The following MIPOL1 variants were observed in gnomAD, a reference collection of about 807,000 sequenced individuals.
MIPOL1 encodes mirror-image polydactyly 1, also known as mirror-image polydactyly gene 1 protein.
A neutral mutation model predicts 60.9 loss-of-function variants in MIPOL1; 57 were observed. The observed-to-expected ratio is 0.94, with a 90% CI of 0.76 to 1.17. MIPOL1 has a LOEUF of 1.17. Ranked by LOEUF, MIPOL1 falls within the 50% of genes most tolerant of loss-of-function variation. The pLI, the probability that MIPOL1 is intolerant of heterozygous loss-of-function variation, is 0.00. For synonymous variants in MIPOL1, 179 were observed against 168.8 expected (o/e 1.06, Z -0.47); for missense variants, 551 against 511.6 (o/e 1.08, Z -0.74).
At chr14:37,347,109 A>G (rs1358952158) in intron 9 of MIPOL1, among the ~76,000 whole-genome samples, 1 of 152,200 alleles carries the variant, frequency 6.6e-6, no homozygotes. Context: ...CGAAAAAGGA[A>G]TGTCTACTAA....
At chr14:37,310,266 A>G (rs1022649305) in intron 9 of MIPOL1, among the ~76,000 whole-genome samples, 1 of 152,162 alleles carries the variant, frequency 6.6e-6, no homozygotes, top group Non-Finnish European at 1.5e-5. Flanking sequence ...GACTGTACTT[A>G]CCTTAAATCC....
chr14:37,309,705 T>A (rs992771604), intron 9 of MIPOL1, among the ~76,000 whole-genome samples: 1 of 151,376 alleles, frequency 6.6e-6, no homozygotes, highest in Non-Finnish European at 1.5e-5. Context: ...TTTTTTTTTT[T>A]AGACAGAGTC....
At chr14:37,419,642 A>C (rs2093835195) in intron 10 of MIPOL1, among the ~76,000 whole-genome samples, 1 of 152,212 alleles carries the variant, frequency 6.6e-6, no homozygotes, top group African/African-American at 2.4e-5. Context: ...ATATACTTGT[A>C]AATAATGAAC....
chr14:37,347,923 A>G (rs1268279339), intron 9 of MIPOL1, among the ~76,000 whole-genome samples: 2 of 152,038 alleles, frequency 1.3e-5, no homozygotes, highest in East Asian at 3.9e-4. Flanking sequence ...TTTTTCTTTT[A>G]TTTTAGATTC....
intron 1 of MIPOL1, among the ~76,000 whole-genome samples, chr14:37,223,986 T>C (rs549309555): frequency 2.0e-5 from 3 of 152,328 alleles, no homozygotes; most frequent in Non-Finnish European, 4.4e-5. Flanking sequence ...TTTGGAGATT[T>C]TACTAGGTTG....
At chr14:37,331,382 C>A (rs1356933144) in intron 9 of MIPOL1, among the ~76,000 whole-genome samples, 1 of 151,982 alleles carries the variant, frequency 6.6e-6, no homozygotes, top group Non-Finnish European at 1.5e-5. Flanking sequence ...TTCATTCAAT[C>A]CATGAACATG....
intron 11 of MIPOL1, among the ~76,000 whole-genome samples, chr14:37,462,265 A>T (rs2094548460): frequency 6.6e-6 from 1 of 152,194 alleles, no homozygotes; most frequent in African/African-American, 2.4e-5. Flanking sequence ...TGAGCTCTAC[A>T]TTGGCCCCTT....
At chr14:37,377,527 T>G (rs2092808947) in intron 10 of MIPOL1, among the ~76,000 whole-genome samples, 1 of 152,084 alleles carries the variant, frequency 6.6e-6, no homozygotes, top group African/African-American at 2.4e-5. Context: ...CAAGATAAAA[T>G]AGCCCTATAT....
chr14:37,276,224 T>A (rs556879441), intron 6 of MIPOL1: 6 of 151,196 alleles, frequency 4.0e-5, no homozygotes, highest in African/African-American at 1.2e-4. Flanking sequence ...TCTTTAAACA[T>A]AGATTTCTTT....
chr14:37,239,639 T>A (rs80074494), intron 1 of MIPOL1, among the ~76,000 whole-genome samples: 6,211 of 152,260 alleles, frequency 0.041, 287 homozygotes, highest in African/African-American at 0.11. Context: ...TAGTTCAGCT[T>A]GTTTTATTTT....
intron 11 of MIPOL1, among the ~76,000 whole-genome samples, chr14:37,476,468 A>C (rs76306171): frequency 6.6e-6 from 1 of 152,206 alleles, no homozygotes; most frequent in East Asian, 1.9e-4. Flanking sequence ...TTCTAGTGCG[A>C]TGTTGAATAG....
intron 11 of MIPOL1, among the ~76,000 whole-genome samples, chr14:37,471,050 T>C (rs1413611068): frequency 6.6e-6 from 1 of 152,188 alleles, no homozygotes; most frequent in African/African-American, 2.4e-5. Flanking sequence ...CACTACACAA[T>C]GTATCCATGT....
At chr14:37,266,012 G>A (rs1478717747) in intron 3 of MIPOL1, among the ~76,000 whole-genome samples, 2 of 152,096 alleles carry the variant, frequency 1.3e-5, no homozygotes, top group East Asian at 3.9e-4. Context: ...TAGAATGGAA[G>A]TCTGGAGTGT....
chr14:37,328,400 T>C (rs946443598), intron 9 of MIPOL1, among the ~76,000 whole-genome samples: 3 of 152,098 alleles, frequency 2.0e-5, no homozygotes, highest in Admixed American at 2.0e-4. Flanking sequence ...ATCATCCAAA[T>C]CAGTCAAACT....
intron 1 of MIPOL1, among the ~76,000 whole-genome samples, chr14:37,240,753 CA>C (rs1192476305): frequency 6.6e-6 from 1 of 152,036 alleles, no homozygotes; most frequent in Non-Finnish European, 1.5e-5. Context: ...TATTCATTCT[CA>C]AAGTGTCATT....
chr14:37,354,323 C>T (rs969973985), intron 9 of MIPOL1, among the ~76,000 whole-genome samples: 10 of 128,056 alleles, frequency 7.8e-5, no homozygotes, highest in African/African-American at 3.0e-4. Context: ...AGCTTTACTT[C>T]CAAGTATGCG....
chr14:37,425,093 T>C (rs921265730), intron 11 of MIPOL1, among the ~76,000 whole-genome samples: 1 of 152,194 alleles, frequency 6.6e-6, no homozygotes, highest in Admixed American at 6.5e-5. Flanking sequence ...GCCCTGACCA[T>C]GGACATTGCA....
In MIPOL1 at chr14:37,274,980, AATTG is replaced by A. The variant is rs200950349; in HGVS notation, c.493+4460_493+4463del. ...TTATATATGGTTTTGTTTCACAAGG[AATTG>A]ATTGTTTATTTCTTTTGTTAAAATA... On this transcript the variant is annotated intron_variant, in intron 6 of 12. Coordinates refer to ENST00000684589, the MANE Select transcript of MIPOL1 (RefSeq NM_001388067.1). 4.2e-3 allele frequency among the ~76,000 whole-genome samples: 641 copies of A among 151,034 alleles called. 4 individuals are homozygous for A. Among genetic ancestry groups the A allele is most frequent in the Non-Finnish European group, 6.7e-3 (453 of 67,172 alleles).
intron 7 of MIPOL1, among the ~76,000 whole-genome samples, chr14:37,303,564 T>G (rs1005105055): frequency 6.6e-6 from 1 of 151,890 alleles, no homozygotes; most frequent in Non-Finnish European, 1.5e-5. Flanking sequence ...TTTGTTACAG[T>G]TTTTATTAAA....
Sources: gnomAD v4.1 joint callset for allele counts (sites outside exome capture counted in the v4.1 genomes callset) on GRCh38, gnomAD v4.1.1 for gene constraint, MANE v1.5 for transcripts, NCBI Gene and HGNC (gene_info 2026-07-23, HGNC 2026-07-21) for gene names.